Variants in CLYBL observed in about 807,000 individuals in gnomAD.
CLYBL encodes citramalyl-CoA lyase, also known as citramalyl-CoA lyase, mitochondrial.
Under a neutral mutation model 38.9 loss-of-function variants are expected in CLYBL, and 31 were observed. The observed-to-expected ratio is 0.80, with a 90% CI of 0.60 to 1.08. The LOEUF is 1.08. Among genes scored for constraint, CLYBL ranks in the 50% least tolerant of loss-of-function variants. The pLI is 0.00. For synonymous variants in CLYBL, 171 were observed against 158.6 expected, an observed-to-expected ratio of 1.08 and a Z score of -0.59; for missense variants, 434 against 411.6, an observed-to-expected ratio of 1.05 and a Z score of -0.47.
At chr13:99,665,003 G>C (rs921394489) in intron 1 of CLYBL, among the ~76,000 whole-genome samples, 6 of 151,670 alleles carry the variant, frequency 4.0e-5, no homozygotes, top group Non-Finnish European at 8.8e-5. Flanking sequence ...TATAGCAGAA[G>C]AATGTTTTTC....
chr13:99,696,345 TC>T (rs2047979169), intron 1 of CLYBL, among the ~76,000 whole-genome samples: 1 of 151,584 alleles, frequency 6.6e-6, no homozygotes, highest in Non-Finnish European at 1.5e-5. Context: ...TCCTCCCACC[TC>T]AGCCTCCTGA....
At chr13:99,897,813 G>A (rs2052599559), downstream of CLYBL, among the ~76,000 whole-genome samples, 1 of 152,126 alleles carries the variant, frequency 6.6e-6, no homozygotes, top group African/African-American at 2.4e-5. Flanking sequence ...TGGGTGTGGT[G>A]GCGCATGCTT....
chr13:99,771,605 T>TAC (rs2049396972), intron 1 of CLYBL, among the ~76,000 whole-genome samples: 2 of 152,194 alleles, frequency 1.3e-5, no homozygotes, highest in African/African-American at 4.8e-5. Flanking sequence ...AGCTAAAGCA[T>TAC]GGTTTTCACG....
At chr13:99,838,403 G>A (rs945138714) in intron 2 of CLYBL, among the ~76,000 whole-genome samples, 1 of 152,170 alleles carries the variant, frequency 6.6e-6, no homozygotes, top group African/African-American at 2.4e-5. Context: ...GGATGTTAAA[G>A]CCAGAAAGAA....
intron 1 of CLYBL, among the ~76,000 whole-genome samples, chr13:99,674,446 A>C (rs565724815): frequency 5.9e-5 from 9 of 151,978 alleles, no homozygotes; most frequent in African/African-American, 2.2e-4. Flanking sequence ...CACCATGCCC[A>C]GCTGATAGCT....
chr13:99,678,087 A>T (rs2047680563), intron 1 of CLYBL, among the ~76,000 whole-genome samples: 1 of 152,236 alleles, frequency 6.6e-6, no homozygotes, highest in Admixed American at 6.5e-5. Flanking sequence ...GGAAATAGCC[A>T]TGCCAGCCTT....
chr13:99,759,170 A>G (rs1010616561), intron 1 of CLYBL, among the ~76,000 whole-genome samples: 1 of 152,228 alleles, frequency 6.6e-6, no homozygotes, highest in South Asian at 2.1e-4. Flanking sequence ...GGTGCTTACT[A>G]AGTGCTCACT....
chr13:99,781,256 C>T (rs898653868), intron 2 of CLYBL, among the ~76,000 whole-genome samples: 11 of 150,470 alleles, frequency 7.3e-5, no homozygotes, highest in African/African-American at 1.7e-4. Context: ...CTGCTAGCTC[C>T]GCCTCCTGTG....
At chr13:99,719,152 T>TA (rs1420768459) in intron 1 of CLYBL, among the ~76,000 whole-genome samples, 1 of 118,378 alleles carries the variant, frequency 8.4e-6, no homozygotes, top group Non-Finnish European at 2.0e-5. Context: ...ACACAAGGCC[T>TA]ATTTTTTTTT....
chr13:99,737,204 T>C (rs1291942048), intron 1 of CLYBL, among the ~76,000 whole-genome samples: 1 of 147,220 alleles, frequency 6.8e-6, no homozygotes, highest in East Asian at 1.9e-4. Context: ...AGCTCCCCGG[T>C]CCCCCTGTAA....
At chr13:99,711,823 C>A (rs2048238237) in intron 1 of CLYBL, among the ~76,000 whole-genome samples, 1 of 152,006 alleles carries the variant, frequency 6.6e-6, no homozygotes, top group Admixed American at 6.6e-5. Context: ...TCAAGCGATT[C>A]TCCTGCCTCA....
chr13:99,880,073 T>A (rs1313681894), intron 7 of CLYBL, among the ~76,000 whole-genome samples: 253 of 143,196 alleles, frequency 1.8e-3, no homozygotes, highest in Non-Finnish European at 2.7e-3. Context: ...TATATATTTT[T>A]TTTTTTTTTT....
chr13:99,613,787 A>G (rs528679495), intron 1 of CLYBL, among the ~76,000 whole-genome samples: 1 of 152,372 alleles, frequency 6.6e-6, no homozygotes, highest in Non-Finnish European at 1.5e-5. Context: ...TAAAAGGCCA[A>G]TGTGAAGTGT....
intron 1 of CLYBL, among the ~76,000 whole-genome samples, chr13:99,644,019 AAAAAAAAG>A (rs1253620736): frequency 1.3e-5 from 2 of 150,628 alleles, no homozygotes; most frequent in South Asian, 4.3e-4. Flanking sequence ...AAAAAAAAAA[AAAAAAAAG>A]AACTGTAACA....
chr13:99,691,553 T>C (rs761471896), intron 1 of CLYBL, among the ~76,000 whole-genome samples: 5 of 151,666 alleles, frequency 3.3e-5, no homozygotes, highest in Non-Finnish European at 5.9e-5. Context: ...GATTGAGTCA[T>C]ATGAAATTGC....
intron 1 of CLYBL, among the ~76,000 whole-genome samples, chr13:99,705,586 G>A (rs1432373966): frequency 6.6e-6 from 1 of 151,436 alleles, no homozygotes; most frequent in Non-Finnish European, 1.5e-5. Context: ...AAAAAAAAAA[G>A]CATGAAATTC....
intron 1 of CLYBL, among the ~76,000 whole-genome samples, chr13:99,651,559 G>C (rs892581999): frequency 6.6e-6 from 1 of 152,188 alleles, no homozygotes; most frequent in Non-Finnish European, 1.5e-5. Flanking sequence ...GACACAGCGA[G>C]ACCCCGTCTC....
intron 1 of CLYBL, among the ~76,000 whole-genome samples, chr13:99,704,677 TG>T (rs1406096498): frequency 6.6e-6 from 1 of 152,188 alleles, no homozygotes; most frequent in Non-Finnish European, 1.5e-5. Context: ...ACGCCAGGTT[TG>T]GGGGCCGTTT....
chr13:99,680,128 G>C (rs1166642629), intron 1 of CLYBL, among the ~76,000 whole-genome samples: 1 of 152,140 alleles, frequency 6.6e-6, no homozygotes, highest in Non-Finnish European at 1.5e-5. Context: ...TAATTAATGG[G>C]GGAATTTCAA....
Sources: gnomAD v4.1 joint callset for allele counts (sites outside exome capture counted in the v4.1 genomes callset) on GRCh38, gnomAD v4.1.1 for gene constraint, MANE v1.5 for transcripts, NCBI Gene and HGNC (gene_info 2026-07-23, HGNC 2026-07-21) for gene names.